The following OSBPL5 variants were observed in gnomAD, a reference collection of about 807,000 sequenced individuals.
OSBPL5 encodes the protein oxysterol-binding protein-related protein 5.
Under a neutral mutation model 111.2 loss-of-function variants are expected in OSBPL5, and 71 were observed. The observed-to-expected ratio is 0.64, with a 90% confidence interval of 0.53 to 0.78. The LOEUF (loss-of-function observed/expected upper bound fraction) is 0.78, where lower values mean the gene tolerates loss of function less well. Ranked by LOEUF, OSBPL5 falls within the 30% of genes least tolerant of loss-of-function variation. The probability of loss-of-function intolerance (pLI) is 0.00; values close to 1 mark genes in which losing one functional copy is unlikely to be tolerated. For missense variants in OSBPL5, 1,210 were observed against 1,189.3 expected (o/e 1.02, Z -0.26); for synonymous variants, 549 against 513.9 (o/e 1.07, Z -0.93).
intron 1 of OSBPL5, among the ~76,000 whole-genome samples, chr11:3,136,495 T>A (rs1385726320): frequency 6.6e-6 from 1 of 152,242 alleles, no homozygotes; most frequent in East Asian, 1.9e-4. Flanking sequence ...TTCCGCATCC[T>A]TCCTGTGCCC....
Position 3,092,383 on chromosome 11 carries a change from C to T in OSBPL5, c.2259+49G>A. The T allele has an allele frequency of 2.0e-6, 3 of 1,519,612 alleles. No homozygotes were observed. The highest frequency in any genetic ancestry group is 1.4e-5 in the African/African-American group (1 of 72,780). 94.1% of individuals were successfully genotyped at this position (1,519,612 alleles called of 1,614,324 possible). On this transcript the variant is annotated intron_variant, in intron 19 of 21. Coordinates refer to ENST00000263650, the MANE Select transcript of OSBPL5 (RefSeq NM_020896.4). The surrounding 1 kb of genome is among the most constrained non-coding windows in gnomAD (Gnocchi z 5.4). ...GTGAGGAGCGAGGGGTGGTGGTGGC[C>T]ACACGTGCAGCTAAGACCAGCCCTG...
chr11:3,102,361 A>T, intron 11 of OSBPL5, 80 bp from the exon 12 acceptor site: 1 of 1,379,368 alleles, frequency 7.2e-7, no homozygotes, highest in Non-Finnish European at 1.0e-6. Flanking sequence ...ATGTGGACGG[A>T]GGGGCAGCGT....
intron 1 of OSBPL5, among the ~76,000 whole-genome samples, chr11:3,152,531 C>T (rs1327542447): frequency 6.6e-6 from 1 of 152,132 alleles, no homozygotes; most frequent in African/African-American, 2.4e-5. Flanking sequence ...TTGGTTTTCA[C>T]CAGGTCCCCT....
chr11:3,091,413 G>A (rs924821581), intron 19 of OSBPL5, among the ~76,000 whole-genome samples: 1 of 152,188 alleles, frequency 6.6e-6, no homozygotes, highest in African/African-American at 2.4e-5. Context: ...CAGAGGCGGG[G>A]CAGGTGGGTT....
intron 7 of OSBPL5, among the ~76,000 whole-genome samples, chr11:3,112,795 C>T (rs1306091189): frequency 6.6e-6 from 1 of 152,064 alleles, no homozygotes; most frequent in African/African-American, 2.4e-5. Context: ...CTTTAGTCTC[C>T]CTCTAGCACC....
chr11:3,134,812 G>A (rs1845906736), intron 1 of OSBPL5, among the ~76,000 whole-genome samples: 1 of 149,604 alleles, frequency 6.7e-6, no homozygotes, highest in Non-Finnish European at 1.5e-5. Flanking sequence ...TGGGGTGGGG[G>A]TGATCCTGTG....
At chr11:3,120,673 C>T (rs1371211561) in intron 5 of OSBPL5, 49 bp from the exon 6 acceptor site, 1 of 1,593,396 alleles carries the variant, frequency 6.3e-7, no homozygotes, top group Non-Finnish European at 8.5e-7. Context: ...GGCCGCCATC[C>T]CTGGGGCATC....
At chr11:3,137,394 C>T (rs55948016) in intron 1 of OSBPL5, among the ~76,000 whole-genome samples, 4,182 of 152,308 alleles carry the variant, frequency 0.027, 221 homozygotes, top group African/African-American at 0.095. Flanking sequence ...ACATCTGCTG[C>T]ACTGATGGAC....
intron 11 of OSBPL5, 55 bp downstream of exon 11, chr11:3,103,184 G>A: frequency 1.3e-6 from 2 of 1,498,390 alleles, no homozygotes; most frequent in East Asian, 2.4e-5. Context: ...GACGAGGGCT[G>A]AGCAGACAGA....
At chr11:3,123,926 C>T (rs1858509428) in intron 3 of OSBPL5, among the ~76,000 whole-genome samples, 1 of 152,210 alleles carries the variant, frequency 6.6e-6, no homozygotes, top group Non-Finnish European at 1.5e-5. Flanking sequence ...GCGGTCCTGG[C>T]AGCACTGGGC....
At chr11:3,115,578 C>G (rs1194966205) in intron 7 of OSBPL5, among the ~76,000 whole-genome samples, 2 of 152,190 alleles carry the variant, frequency 1.3e-5, no homozygotes, top group African/African-American at 2.4e-5. Flanking sequence ...ATTGTAAGGG[C>G]TGACTTTGAG....
Position 3,088,074 on chromosome 11 carries a change from T to A in OSBPL5, c.*131A>T. 1.1e-6 allele frequency: 1 copy of A among 909,024 alleles called. No individual in the cohort carries two copies. The highest frequency in any genetic ancestry group is 3.0e-5 in the East Asian group (1 of 32,978). The allele number at this position is 909,024 out of a possible 1,614,324, so 56.3% of individuals were successfully genotyped here. ...GCAGCGCCTTGTGGCCCCGGGTCCC[T>A]CCTGCGCCTGGACTCCCCGTCACAG... On this transcript the variant is annotated 3_prime_UTR_variant, in exon 22 of 22. Coordinates refer to ENST00000263650, the MANE Select transcript of OSBPL5 (RefSeq NM_020896.4).
At chr11:3,114,719 C>T (rs1054010805) in intron 7 of OSBPL5, among the ~76,000 whole-genome samples, 4 of 151,186 alleles carry the variant, frequency 2.6e-5, no homozygotes, top group Non-Finnish European at 5.9e-5. Flanking sequence ...CTGCCCCAGC[C>T]TCCTGAGTAG....
In OSBPL5 at chr11:3,130,284, TG is replaced by T. The variant is rs1444049998; in HGVS notation, c.-21-1116del. On this transcript the variant is annotated intron_variant, in intron 1 of 21. Coordinates refer to ENST00000263650, the MANE Select transcript of OSBPL5 (RefSeq NM_020896.4). The surrounding 1 kb of genome is among the most constrained non-coding windows in gnomAD (Gnocchi z 4.5). Reference sequence around the variant, plus strand: ...CAAGGGCGAGCTCCTTAAAAACTACTGGTCAATTTTCCTCCTTTCCCAATTT... The same window carrying T: ...CAAGGGCGAGCTCCTTAAAAACTACTGTCAATTTTCCTCCTTTCCCAATTT... Among the ~76,000 whole-genome samples, 3 of 152,266 alleles carry T rather than the reference TG, an allele frequency of 2.0e-5. No individual in the cohort carries two copies. Among genetic ancestry groups the T allele is most frequent in the African/African-American group, 7.2e-5 (3 of 41,476 alleles).
chr11:3,152,569 G>A (rs112430542), intron 1 of OSBPL5, among the ~76,000 whole-genome samples: 30 of 152,294 alleles, frequency 2.0e-4, no homozygotes, highest in South Asian at 1.7e-3. Context: ...GAACAGCAGC[G>A]GGGGCCTGCA....
Position 3,126,380 on chromosome 11 carries a change from G to T in OSBPL5, c.219+93C>A. The stretch of plus-strand genomic sequence containing the variant: ...CGAACAGGCTGGAATGGCAGGCTCA[G>T]CTGGACGCCCTGCTGTCCTTTTCCC... On this transcript the variant is annotated intron_variant, in intron 3 of 21. Coordinates refer to ENST00000263650, the MANE Select transcript of OSBPL5 (RefSeq NM_020896.4). The surrounding 1 kb of genome is among the most constrained non-coding windows in gnomAD (Gnocchi z 6.5). The T allele has an allele frequency of 1.7e-6, 2 of 1,161,826 alleles. No individual in the cohort carries two copies. Among genetic ancestry groups the T allele is most frequent in the Non-Finnish European group, 1.2e-6 (1 of 853,364 alleles). 72.0% of individuals were successfully genotyped at this position (1,161,826 alleles called of 1,614,324 possible).
At position 3,102,194 on chromosome 11, in the gene OSBPL5, T is replaced by C. The variant is rs370202573; in HGVS notation, c.1414A>G (p.Ile472Val). 5.6e-6 allele frequency: 9 copies of C among 1,604,158 alleles called. No individual in the cohort carries two copies. The African/African-American group carries it at 1.1e-4, about 19-fold the overall frequency. Residue 472 changes from isoleucine to valine, a missense_variant, in exon 12 of 22, where the codon ATA (isoleucine) becomes GTA (valine). By Grantham distance (29) the Ile-to-Val change is conservative. Transcript: ENST00000263650. ...HPQTDSRTFY[I>V]AEQVSHHPPV... ...AGAGGTGCTCTTGCCTGCTCTGCTA[T>C]GTAGAATGTGCGGCTGTCAGTCTGC...
In OSBPL5 at chr11:3,087,905, C is replaced by T. The variant is rs997668256; in HGVS notation, c.*300G>A. 4.7e-5 allele frequency: 12 copies of T among 254,684 alleles called. No homozygotes were observed. Among genetic ancestry groups the T allele is most frequent in the Non-Finnish European group, 6.7e-5 (9 of 134,832 alleles). 15.8% of individuals were successfully genotyped at this position (254,684 alleles called of 1,614,324 possible). ...TCCATCCCCCATGGCAAGTGGAGGC[C>T]GGACAGGGGGTGACACGGCAAGATG... On this transcript the variant is annotated 3_prime_UTR_variant, in exon 22 of 22. Transcript: ENST00000263650.
intron 1 of OSBPL5, among the ~76,000 whole-genome samples, chr11:3,148,009 C>T (rs375056675): frequency 1.3e-4 from 20 of 152,314 alleles, no homozygotes; most frequent in African/African-American, 2.9e-4. Flanking sequence ...CCTCATCCTC[C>T]GCACGCCCCC....
Sources: gnomAD v4.1 joint callset for allele counts (sites outside exome capture counted in the v4.1 genomes callset) on GRCh38, gnomAD v4.1.1 for gene constraint, Gnocchi (gnomAD v3.1) non-coding constraint, MANE v1.5 for transcripts, NCBI Gene and HGNC (gene_info 2026-07-23, HGNC 2026-07-21) for gene names.